Variants in SNX4 observed in about 807,000 individuals in gnomAD.
SNX4 encodes sorting nexin-4.
Under a neutral mutation model 70.8 loss-of-function variants are expected in SNX4, and 49 were observed. The ratio of observed to expected loss-of-function variants is 0.69; its 90% CI spans 0.55 to 0.88. The LOEUF is 0.88. Ranked by LOEUF, SNX4 falls within the 40% of genes least tolerant of loss-of-function variation. The probability of loss-of-function intolerance (pLI) is 0.00; values close to 1 mark genes in which losing one functional copy is unlikely to be tolerated. For missense variants in SNX4, 528 were observed against 544.8 expected, an observed-to-expected ratio of 0.97 and a Z score of 0.31; for synonymous variants, 206 against 183.8, an observed-to-expected ratio of 1.12 and a Z score of -0.98.
At chr3:125,481,447 C>A (rs995601421) in intron 6 of SNX4, among the ~76,000 whole-genome samples, 31 of 134,852 alleles carry the variant, frequency 2.3e-4, no homozygotes, top group African/African-American at 8.4e-4. Flanking sequence ...TTCCTGAAAT[C>A]TTTTTTTTTT....
chr3:125,481,276 A>G (rs150953106), intron 6 of SNX4, among the ~76,000 whole-genome samples: 371 of 152,236 alleles, frequency 2.4e-3, no homozygotes, highest in African/African-American at 8.5e-3. Flanking sequence ...CCTTTTGGCA[A>G]TGCAACAGCT....
intron 2 of SNX4, among the ~76,000 whole-genome samples, chr3:125,498,586 C>CA (rs1934861936): frequency 2.6e-5 from 4 of 152,178 alleles, no homozygotes; most frequent in Non-Finnish European, 5.9e-5. Flanking sequence ...CATGTATTTT[C>CA]ATATTTAATC....
chr3:125,451,098 A>T (rs535651842), intron 13 of SNX4, among the ~76,000 whole-genome samples: 2 of 152,122 alleles, frequency 1.3e-5, no homozygotes, highest in African/African-American at 4.8e-5. Flanking sequence ...AGACCCCCCC[A>T]TATCTATTTT....
chr3:125,509,593 A>G (rs973515474), intron 1 of SNX4, among the ~76,000 whole-genome samples: 6 of 151,818 alleles, frequency 4.0e-5, no homozygotes, highest in African/African-American at 1.2e-4. Context: ...CTCTACTAAA[A>G]ATACAAAAAA....
intron 10 of SNX4, among the ~76,000 whole-genome samples, chr3:125,458,510 T>C (rs1352854508): frequency 6.6e-6 from 1 of 152,072 alleles, no homozygotes; most frequent in Admixed American, 6.6e-5. Context: ...AAGTAATCCA[T>C]GTTCACTGTA....
chr3:125,507,112 C>T (rs1935061510), intron 1 of SNX4, among the ~76,000 whole-genome samples: 2 of 144,388 alleles, frequency 1.4e-5, no homozygotes, highest in Admixed American at 7.3e-5. Context: ...GAGACTGAGG[C>T]ATGGAGAATT....
At chr3:125,481,222 G>A (rs1579991372) in intron 6 of SNX4, among the ~76,000 whole-genome samples, 1 of 152,134 alleles carries the variant, frequency 6.6e-6, no homozygotes, top group Non-Finnish European at 1.5e-5. Context: ...CTATTTTCAT[G>A]TTGTAATATC....
Position 125,486,775 on chromosome 3 carries a change from A to T in SNX4, c.653+2633T>A, listed in dbSNP as rs76251087. On this transcript the variant is annotated intron_variant, in intron 6 of 13. Coordinates refer to ENST00000251775, the MANE Select transcript of SNX4 (RefSeq NM_003794.4). ...CTCTTTTAAGAAAAATATACAAGCC[A>T]GGCACAGTGGCATCCACATGTAGTT... Among the ~76,000 whole-genome samples, 418 of 152,326 alleles carry T rather than the reference A, an allele frequency of 2.7e-3. 2 individuals are homozygous for T. The highest frequency in any genetic ancestry group is 9.6e-3 in the African/African-American group (401 of 41,564).
chr3:125,514,285 A>G (rs750514224), intron 1 of SNX4, among the ~76,000 whole-genome samples: 16 of 152,216 alleles, frequency 1.1e-4, no homozygotes, highest in Non-Finnish European at 1.8e-4. Flanking sequence ...CTATTCAGAA[A>G]ACATTAATTT....
In SNX4 at chr3:125,478,641, C is replaced by T. The variant is rs535544105; in HGVS notation, c.726+1606G>A. Among the ~76,000 whole-genome samples, 134 of 152,014 alleles carry T rather than the reference C, an allele frequency of 8.8e-4. 1 individual carries two copies. The highest frequency in any genetic ancestry group is 1.3e-3 in the Admixed American group (20 of 15,250). On this transcript the variant is annotated intron_variant, in intron 7 of 13. Coordinates refer to ENST00000251775, the MANE Select transcript of SNX4 (RefSeq NM_003794.4). The stretch of plus-strand genomic sequence containing the variant: ...CATTCTAACACTAACTTTTCTAGAT[C>T]CCTGTACTTTTAGATACCAAACCTC...
At chr3:125,519,974 G>GCCCCC in intron 1 of SNX4, 58 bp downstream of exon 1, 1 of 878,298 alleles carries the variant, frequency 1.1e-6, no homozygotes, top group Non-Finnish European at 1.6e-6. Flanking sequence ...GCCCAGCCCA[G>GCCCCC]CCCGGCCCGC....
intron 1 of SNX4, among the ~76,000 whole-genome samples, chr3:125,511,187 T>G (rs1028489308): frequency 9.2e-5 from 14 of 152,238 alleles, no homozygotes; most frequent in Non-Finnish European, 1.6e-4. Context: ...GTGCTGGGAT[T>G]ATAGGCATGA....
intron 7 of SNX4, among the ~76,000 whole-genome samples, 158 bp downstream of exon 7, chr3:125,480,089 A>T (rs1212090456): frequency 1.3e-5 from 2 of 152,206 alleles, no homozygotes; most frequent in East Asian, 3.8e-4. Flanking sequence ...ACCATTGCAC[A>T]TTTTTTTAAA....
intron 5 of SNX4, among the ~76,000 whole-genome samples, chr3:125,493,018 T>C (rs1240759515): frequency 6.6e-6 from 1 of 152,252 alleles, no homozygotes; most frequent in African/African-American, 2.4e-5. Context: ...GTTACTTTTA[T>C]ACTAAAGCAA....
intron 2 of SNX4, among the ~76,000 whole-genome samples, chr3:125,502,815 C>A (rs1251841411): frequency 1.4e-5 from 2 of 148,024 alleles, no homozygotes; most frequent in African/African-American, 2.5e-5. Flanking sequence ...GATCGCGCCA[C>A]CGCACTCTAG....
At chr3:125,508,428 G>T (rs1192257145) in intron 1 of SNX4, among the ~76,000 whole-genome samples, 1 of 151,004 alleles carries the variant, frequency 6.6e-6, no homozygotes, top group East Asian at 2.0e-4. Flanking sequence ...TTAGCCGGGC[G>T]TGGTGGCAGG....
intron 5 of SNX4, among the ~76,000 whole-genome samples, chr3:125,491,565 T>C (rs1479720787): frequency 6.6e-6 from 1 of 152,152 alleles, no homozygotes; most frequent in Non-Finnish European, 1.5e-5. Flanking sequence ...CAACTCAATC[T>C]GCTCATTTCA....
At chr3:125,508,596 A>C (rs914805435) in intron 1 of SNX4, among the ~76,000 whole-genome samples, 1 of 152,066 alleles carries the variant, frequency 6.6e-6, no homozygotes, top group Non-Finnish European at 1.5e-5. Context: ...ATGTAGCATA[A>C]AATTGGAGGA....
intron 2 of SNX4, among the ~76,000 whole-genome samples, chr3:125,501,299 T>C (rs1006562445): frequency 7.3e-6 from 1 of 137,546 alleles, no homozygotes; most frequent in African/African-American, 3.0e-5. Flanking sequence ...TGGAAAGCCT[T>C]TGTAGTTTAA....
Sources: gnomAD v4.1 joint callset for allele counts (sites outside exome capture counted in the v4.1 genomes callset) on GRCh38, gnomAD v4.1.1 for gene constraint, MANE v1.5 for transcripts, NCBI Gene and HGNC (gene_info 2026-07-23, HGNC 2026-07-21) for gene names.